MAP1LC3B2: variants seen among roughly 807,000 people sequenced by gnomAD.
The protein encoded by MAP1LC3B2 is microtubule associated protein 1 light chain 3 beta 2, also known as microtubule-associated protein 1 light chain 3 beta 2.
For synonymous variants in MAP1LC3B2, 62 were observed against 57.8 expected (o/e 1.07, Z -0.33); for missense variants, 155 against 154.6 (o/e 1.00, Z -0.01).
At chr12:116,568,815 T>C (rs895814957) in intron 1 of MAP1LC3B2, among the ~76,000 whole-genome samples, 15 of 152,098 alleles carry the variant, frequency 9.9e-5, no homozygotes, top group African/African-American at 3.4e-4. Flanking sequence ...ACTGGCACCC[T>C]GATATTGGAC....
intron 1 of MAP1LC3B2, among the ~76,000 whole-genome samples, chr12:116,565,685 G>T (rs957149917): frequency 3.3e-5 from 5 of 152,180 alleles, no homozygotes; most frequent in Admixed American, 2.6e-4. Context: ...GGAGATATAT[G>T]GTCTAGTCAC....
intron 1 of MAP1LC3B2, among the ~76,000 whole-genome samples, chr12:116,565,242 C>A (rs1195527970): frequency 6.6e-6 from 1 of 152,096 alleles, no homozygotes; most frequent in Non-Finnish European, 1.5e-5. Context: ...AAGACATACT[C>A]GAGACTGGGC....
intron 1 of MAP1LC3B2, among the ~76,000 whole-genome samples, chr12:116,566,971 A>AAAAAAT (rs1869404081): frequency 1.5e-5 from 2 of 136,312 alleles, no homozygotes; most frequent in African/African-American, 2.8e-5. Flanking sequence ...AAAAAAAAAA[A>AAAAAAT]GAATTGAGTT....
intron 1 of MAP1LC3B2, among the ~76,000 whole-genome samples, chr12:116,571,578 T>C (rs1869536143): frequency 6.8e-6 from 1 of 146,848 alleles, no homozygotes; most frequent in South Asian, 2.2e-4. Flanking sequence ...CCTCCCGGGT[T>C]CATGCCATTC....
At chr12:116,562,196 C>G (rs539333353) in intron 1 of MAP1LC3B2, among the ~76,000 whole-genome samples, 2 of 152,144 alleles carry the variant, frequency 1.3e-5, no homozygotes, top group Non-Finnish European at 2.9e-5. Flanking sequence ...TGCCTGAGAC[C>G]GATGCCAAAA....
chr12:116,570,115 AT>A (rs1226819360), intron 1 of MAP1LC3B2, among the ~76,000 whole-genome samples: 1 of 152,182 alleles, frequency 6.6e-6, no homozygotes, highest in Non-Finnish European at 1.5e-5. Context: ...GTTGTATATC[AT>A]TATTGTCAGT....
intron 1 of MAP1LC3B2, among the ~76,000 whole-genome samples, chr12:116,561,389 T>C (rs1412126714): frequency 6.6e-6 from 1 of 152,010 alleles, no homozygotes. Flanking sequence ...AAACCAAGGA[T>C]ATTAGGGCAC....
intron 1 of MAP1LC3B2, chr12:116,560,220 ATATATATATATATATATATATGTATG>A: frequency 1.3e-5 from 1 of 76,644 alleles, no homozygotes; most frequent in East Asian, 4.5e-4. Context: ...ATATATATAT[ATATATATATATATATATATATGTATG>A]TATATGTATA....
chr12:116,560,733 G>T (rs572280561), intron 1 of MAP1LC3B2, among the ~76,000 whole-genome samples: 7 of 152,028 alleles, frequency 4.6e-5, no homozygotes, highest in African/African-American at 1.7e-4. Context: ...TACCTGGGTG[G>T]ACCTCAAATC....
At chr12:116,575,549 C>T (rs564136648) in intron 1 of MAP1LC3B2, among the ~76,000 whole-genome samples, 4 of 152,242 alleles carry the variant, frequency 2.6e-5, no homozygotes, top group African/African-American at 9.6e-5. Context: ...GGAACTGAGT[C>T]TTAGAGACCC....
intron 1 of MAP1LC3B2, among the ~76,000 whole-genome samples, chr12:116,569,875 G>A (rs955406673): frequency 6.6e-6 from 1 of 152,036 alleles, no homozygotes; most frequent in Non-Finnish European, 1.5e-5. Flanking sequence ...CCAACATGGT[G>A]AAAACCTGTC....
chr12:116,566,616 TAAAAAA>T (rs58530141), intron 1 of MAP1LC3B2, among the ~76,000 whole-genome samples: 1 of 91,624 alleles, frequency 1.1e-5, no homozygotes, highest in African/African-American at 4.1e-5. Flanking sequence ...AGTCAGTGAT[TAAAAAA>T]AAAAAAAAAA....
chr12:116,570,893 T>A (rs1338833349), intron 1 of MAP1LC3B2, among the ~76,000 whole-genome samples: 1 of 152,222 alleles, frequency 6.6e-6, no homozygotes, highest in Non-Finnish European at 1.5e-5. Flanking sequence ...AGGCAACTGA[T>A]CACTTGGGAA....
At chr12:116,569,924 C>T (rs979261752) in intron 1 of MAP1LC3B2, among the ~76,000 whole-genome samples, 19 of 151,876 alleles carry the variant, frequency 1.3e-4, no homozygotes, top group East Asian at 3.9e-4. Context: ...CATGGTGGCA[C>T]GCACCTGTAG....
Position 116,575,947 on chromosome 12 carries a change from C to T in MAP1LC3B2, c.5C>T (p.Pro2Leu), listed in dbSNP as rs748867611. The T allele has an allele frequency of 1.1e-5, 17 of 1,614,054 alleles. No homozygotes were observed. Among genetic ancestry groups the T allele is most frequent in the South Asian group, 4.4e-5 (4 of 91,090 alleles). Residue 2 changes from proline to leucine, a missense_variant, in exon 2 of 2, where the codon CCG becomes CTG. Pro to Leu is a moderately conservative substitution (Grantham distance 98). Transcript: ENST00000556529. ...CGCGGCCCAGATCCCCACACCATGC[C>T]GTCGGAGAAGACCTTCAAGCAGCGG... M[P>L]SEKTFKQRRT...
chr12:116,566,615 T>TAAA (rs1342657102), intron 1 of MAP1LC3B2, among the ~76,000 whole-genome samples: 4 of 65,232 alleles, frequency 6.1e-5, no homozygotes, highest in Non-Finnish European at 5.1e-5. Flanking sequence ...GAGTCAGTGA[T>TAAA]TAAAAAAAAA....
chr12:116,562,453 A>T (rs1413716619), intron 1 of MAP1LC3B2, among the ~76,000 whole-genome samples: 1 of 152,248 alleles, frequency 6.6e-6, no homozygotes, highest in Non-Finnish European at 1.5e-5. Flanking sequence ...GAAGAAACTG[A>T]GGCTTAGAGT....
intron 1 of MAP1LC3B2, among the ~76,000 whole-genome samples, chr12:116,561,687 T>C (rs1005589531): frequency 6.6e-6 from 1 of 152,202 alleles, no homozygotes; most frequent in Non-Finnish European, 1.5e-5. Flanking sequence ...GGCAGCTGGA[T>C]CCTGGTTCTG....
At chr12:116,562,021 CCAGT>C (rs59335383) in intron 1 of MAP1LC3B2, among the ~76,000 whole-genome samples, 34,461 of 151,966 alleles carry the variant, frequency 0.23, 4,116 homozygotes, top group East Asian at 0.31. Flanking sequence ...CCAGACCTGA[CCAGT>C]CAGACTCAGC....
Sources: allele counts gnomAD v4.1 joint callset (sites outside exome capture counted in the v4.1 genomes callset), GRCh38; gene constraint gnomAD v4.1.1; transcripts MANE v1.5; gene names NCBI Gene and HGNC (gene_info 2026-07-23, HGNC 2026-07-21).